The following KRT85 variants were observed in gnomAD, a reference collection of about 807,000 sequenced individuals.
KRT85 encodes keratin, type II cuticular Hb5.
Under a neutral mutation model 53.7 loss-of-function variants are expected in KRT85, and 39 were observed. The observed-to-expected ratio is 0.73, with a 90% CI of 0.56 to 0.95. The LOEUF is 0.95. Among genes scored for constraint, KRT85 ranks in the 40% least tolerant of loss-of-function variants. The pLI, the probability that KRT85 is intolerant of heterozygous loss-of-function variation, is 0.00. For synonymous variants in KRT85, 291 were observed against 277.5 expected (o/e 1.05, Z -0.48); for missense variants, 668 against 686.0 (o/e 0.97, Z 0.29).
At chr12:52,363,900 T>G (rs933162863) in intron 4 of KRT85, among the ~76,000 whole-genome samples, 168 bp downstream of exon 4, 8 of 152,212 alleles carry the variant, frequency 5.3e-5, no homozygotes, top group African/African-American at 1.7e-4. Flanking sequence ...CACATGAACG[T>G]GGACATGGCC....
At position 52,365,083 on chromosome 12, in the gene KRT85, G is replaced by C; in HGVS notation, c.508C>G (p.Pro170Ala). 1.2e-6 allele frequency: 2 copies of C among 1,614,062 alleles called. No individual in the cohort carries two copies. Among genetic ancestry groups the C allele is most frequent in the South Asian group, 2.2e-5 (2 of 91,080 alleles). ...NQRCCESNLE[P>A]LFSGYIETLR... Reference sequence around the variant, plus strand: ...GTCTCGATGTAGCCACTGAACAGTGGCTCCAGGTTGCTCTCGCAGCAGCGC... The same window carrying C: ...GTCTCGATGTAGCCACTGAACAGTGCCTCCAGGTTGCTCTCGCAGCAGCGC... Residue 170 changes from proline to alanine, a missense_variant, in exon 2 of 9, where the codon CCA (proline) becomes GCA (alanine). This residue lies in a region of KRT85 where 488 missense variants were observed against 498.1 expected (regional missense o/e 0.98). Transcript: ENST00000257901.
chr12:52,362,823 G>A (rs763620581), intron 6 of KRT85, 31 bp downstream of exon 6: 1 of 1,614,170 alleles, frequency 6.2e-7, no homozygotes, highest in Non-Finnish European at 8.5e-7. Context: ...GCCTGCCTGT[G>A]CTGCGTATTT....
Position 52,365,150 on chromosome 12 carries a change from C to A in KRT85, c.441G>T (p.Gln147His), listed in dbSNP as rs1939253644. The change falls in exon 2 of 9, where the codon CAG (glutamine) becomes CAT (histidine). Residue 147 changes from glutamine (Q) to histidine (H), a missense_variant. This residue lies in a region of KRT85 where 488 missense variants were observed against 498.1 expected (regional missense o/e 0.98). Transcript: ENST00000257901. The stretch of plus-strand genomic sequence containing the variant: ...GCCACTTGGTCTCCAGCAGCTTGTT[C>A]TGCTGCTCCAGGAAGCGCACCTGCC... Reference protein sequence around the residue: ...FIDKVRFLEQQNKLLETKWQF... With the variant: ...FIDKVRFLEQHNKLLETKWQF... The A allele has an allele frequency of 6.2e-7, 1 of 1,614,260 alleles. No homozygotes were observed. Among genetic ancestry groups the A allele is most frequent in the African/African-American group, 1.3e-5 (1 of 75,080 alleles).
rs1422658978 is a variant in KRT85 at position 52,367,056 on chromosome 12, T to C, written c.350A>G (p.Gln117Arg). 1 of 1,613,782 alleles carries C rather than the reference T, an allele frequency of 6.2e-7. No homozygotes were observed. Among genetic ancestry groups the C allele is most frequent in the East Asian group, 2.2e-5 (1 of 44,882 alleles). ...PLNLEIDPNAQCVKQEEKEQI... is the reference protein window; with the variant it reads ...PLNLEIDPNARCVKQEEKEQI... The stretch of plus-strand genomic sequence containing the variant: ...CTCCTTCTCCTCCTGCTTCACGCAC[T>C]GTGCGTTGGGGTCGATCTCCAGGTT... Residue 117 changes from glutamine to arginine, a missense_variant, in exon 1 of 9, where the codon CAG (glutamine) becomes CGG (arginine). Gln to Arg is a conservative substitution (Grantham distance 43, BLOSUM62 1). This residue lies in a region of KRT85 where 22 missense variants were observed against 46.0 expected (regional missense o/e 0.48). Coordinates refer to ENST00000257901, the MANE Select transcript of KRT85 (RefSeq NM_002283.4).
rs765919257 is a variant in KRT85 at position 52,360,808 on chromosome 12, C to T, written c.*45G>A. On this transcript the variant is annotated 3_prime_UTR_variant, in exon 9 of 9. Coordinates refer to ENST00000257901, the MANE Select transcript of KRT85 (RefSeq NM_002283.4). ...TCACATGCCATTCAGTGCAGTGATG[C>T]AGGCAGGCAGGTGCTTGGCAGGAAG... The T allele has an allele frequency of 6.4e-7, 1 of 1,563,380 alleles. No homozygotes were observed. Among genetic ancestry groups the T allele is most frequent in the South Asian group, 1.1e-5 (1 of 90,062 alleles).
Position 52,364,943 on chromosome 12 carries a change from C to G in KRT85, c.629+19G>C, listed in dbSNP as rs777766874. ...TCTCTCTGAGTTTCCCCTGAGTCCCCCCAGCTTGCTGCACTCACTTCTTCT... is the reference window on the plus strand; with the variant it reads ...TCTCTCTGAGTTTCCCCTGAGTCCCGCCAGCTTGCTGCACTCACTTCTTCT... On this transcript the variant is annotated intron_variant, in intron 2 of 8. Transcript: ENST00000257901. 1.2e-5 allele frequency: 19 copies of G among 1,612,308 alleles called. No individual in the cohort carries two copies. The highest frequency in any genetic ancestry group is 2.2e-4 in the Middle Eastern group (1 of 4,610).
At chr12:52,366,951 G>A (rs752075662) in intron 1 of KRT85, 35 bp downstream of exon 1, 36 of 1,613,856 alleles carry the variant, frequency 2.2e-5, no homozygotes, top group Middle Eastern at 1.7e-4. Context: ...GGACAGGGCT[G>A]GAGGCTTCTC....
At position 52,365,070 on chromosome 12, in the gene KRT85, CCACTGAACA is replaced by C. The variant is rs1311568407; in HGVS notation, c.512_520del (p.Leu171_Gly174delinsArg). 1 of 1,613,984 alleles carries C rather than the reference CCACTGAACA, an allele frequency of 6.2e-7. No homozygotes were observed. Among genetic ancestry groups the C allele is most frequent in the East Asian group, 2.2e-5 (1 of 44,884 alleles). On this transcript the variant is annotated inframe_deletion, in exon 2 of 9. Transcript: ENST00000257901. Reference sequence around the variant, plus strand: ...CTCCCGCCGCAGAGTCTCGATGTAGCCACTGAACAGTGGCTCCAGGTTGCTCTCGCAGCA... The same window carrying C: ...CTCCCGCCGCAGAGTCTCGATGTAGCGTGGCTCCAGGTTGCTCTCGCAGCA...
chr12:52,365,015 C>G lies in KRT85; in HGVS notation c.576G>C (p.Arg192Ser). ...GCACATGGTTGAGCTCTGAGGCCAGCCTCCCGCTGTCGGCCTCCACGCACT... is the reference window on the plus strand; with the variant it reads ...GCACATGGTTGAGCTCTGAGGCCAGGCTCCCGCTGTCGGCCTCCACGCACT... ...EAECVEADSG[R>S]LASELNHVQE... Residue 192 changes from arginine to serine, a missense_variant, in exon 2 of 9, where the codon AGG becomes AGC. Physicochemically the swap from Arg to Ser is moderately radical, Grantham distance 110 (BLOSUM62 -1). This residue lies in a region of KRT85 where 488 missense variants were observed against 498.1 expected (regional missense o/e 0.98). Transcript: ENST00000257901. 6.2e-7 allele frequency: 1 copy of G among 1,613,154 alleles called. No homozygotes were observed. Among genetic ancestry groups the G allele is most frequent in the Non-Finnish European group, 8.5e-7 (1 of 1,180,028 alleles).
chr12:52,361,095 C>A, intron 8 of KRT85, 49 bp from the exon 9 acceptor site: 1 of 1,512,180 alleles, frequency 6.6e-7, no homozygotes. Context: ...TGCAATCTCA[C>A]CCACCCTACA....
intron 4 of KRT85, among the ~76,000 whole-genome samples, chr12:52,363,615 T>A (rs143104062): frequency 3.0e-4 from 45 of 152,328 alleles, no homozygotes; most frequent in Middle Eastern, 3.4e-3. Context: ...GAACAGTGTC[T>A]GCCTTAAAAG....
At position 52,360,779 on chromosome 12, in the gene KRT85, C is replaced by T; in HGVS notation, c.*74G>A. On this transcript the variant is annotated 3_prime_UTR_variant, in exon 9 of 9. Coordinates refer to ENST00000257901, the MANE Select transcript of KRT85 (RefSeq NM_002283.4). Reference sequence around the variant, plus strand: ...GATTCTGGAAGCAAGCACACATTTTCCATTCACATGCCATTCAGTGCAGTG... The same window carrying T: ...GATTCTGGAAGCAAGCACACATTTTTCATTCACATGCCATTCAGTGCAGTG... The T allele has an allele frequency of 6.9e-7, 1 of 1,459,680 alleles. No homozygotes were observed. Among genetic ancestry groups the T allele is most frequent in the Non-Finnish European group, 9.6e-7 (1 of 1,041,400 alleles). The allele number at this position is 1,459,680 out of a possible 1,614,324, so 90.4% of individuals were successfully genotyped here. A position where few individuals can be genotyped will look rare whatever the true frequency, so the allele number is the denominator to read the frequency against.
rs1939169506 is a variant in KRT85 at position 52,360,235 on chromosome 12, C to T, written c.*618G>A. ...AATAGCAAGACCTGTCCAAAGTGCC[C>T]TAACCAGGGGCTGTAGGCAAAAGGA... On this transcript the variant is annotated 3_prime_UTR_variant, in exon 9 of 9. Coordinates refer to ENST00000257901, the MANE Select transcript of KRT85 (RefSeq NM_002283.4). 5.9e-6 allele frequency: 1 copy of T among 168,268 alleles called. No individual in the cohort carries two copies. The highest frequency in any genetic ancestry group is 2.4e-5 in the African/African-American group (1 of 41,536). 10.4% of individuals were successfully genotyped at this position (168,268 alleles called of 1,614,324 possible). A position where few individuals can be genotyped will look rare whatever the true frequency, so the allele number is the denominator to read the frequency against.
At position 52,364,169 on chromosome 12, in the gene KRT85, C is replaced by G. The variant is rs377299892; in HGVS notation, c.691-6G>C. ...AGGTAGGCACAGTCCACGTCCTGGC[C>G]GTGGGACAAAGAGGAGGGGACATGC... On this transcript the variant is annotated splice_region_variant and splice_polypyrimidine_tract_variant and intron_variant, in intron 3 of 8. Transcript: ENST00000257901. The G allele has an allele frequency of 9.3e-5, 150 of 1,613,978 alleles. 1 individual carries two copies. In the African/African-American group the frequency reaches 1.7e-3, roughly 19 times the overall value.
chr12:52,364,531 G>A (rs1374332697), intron 2 of KRT85, 165 bp from the exon 3 acceptor site: 1 of 1,486,770 alleles, frequency 6.7e-7, no homozygotes, highest in Non-Finnish European at 8.9e-7. Context: ...GCCAGCCCTT[G>A]TCCTAGCCTG....
In KRT85 at chr12:52,364,882, T is replaced by C. The variant is rs553758484; in HGVS notation, c.629+80A>G. The stretch of plus-strand genomic sequence containing the variant: ...CCTGCTAGAGGAATCTGAAAGAAGC[T>C]GTGGCAAGAGGGCTATGGGCAGAGC... On this transcript the variant is annotated intron_variant, in intron 2 of 8. Coordinates refer to ENST00000257901, the MANE Select transcript of KRT85 (RefSeq NM_002283.4). The C allele has an allele frequency of 1.9e-6, 3 of 1,609,222 alleles. No homozygotes were observed. In the East Asian group the frequency reaches 6.7e-5, roughly 36 times the overall value.
intron 1 of KRT85, among the ~76,000 whole-genome samples, chr12:52,366,784 T>G (rs1477389268): frequency 6.6e-6 from 1 of 152,004 alleles, no homozygotes; most frequent in Non-Finnish European, 1.5e-5. Context: ...GATCACAGGC[T>G]CAATTTCTAG....
At position 52,360,863 on chromosome 12, in the gene KRT85, C is replaced by T. The variant is rs144071117; in HGVS notation, c.1514G>A (p.Arg505His). ...SFSCGSSRSVRFA is the reference protein window; with the variant it reads ...SFSCGSSRSVHFA Reference sequence around the variant, plus strand: ...GGCTCCATGACTCTACTAGGCAAAGCGGACCGACCGGCTACTCCCGCAGCT... The same window carrying T: ...GGCTCCATGACTCTACTAGGCAAAGTGGACCGACCGGCTACTCCCGCAGCT... Residue 505 changes from arginine (R) to histidine (H), a missense_variant, in exon 9 of 9, where the codon CGC (arginine) becomes CAC (histidine). Around this residue, in one of 3 missense-constraint regions of KRT85, gnomAD observed 488 missense variants for 498.1 expected, o/e 0.98. Transcript: ENST00000257901. 41 of 1,612,226 alleles carry T rather than the reference C, an allele frequency of 2.5e-5. No homozygotes were observed. The highest frequency in any genetic ancestry group is 1.3e-4 in the African/African-American group (10 of 74,990).
Position 52,367,189 on chromosome 12 carries a change from C to T in KRT85, c.217G>A (p.Ala73Thr), listed in dbSNP as rs763111671. 4.3e-6 allele frequency: 7 copies of T among 1,613,866 alleles called. No homozygotes were observed. In the South Asian group the frequency reaches 7.7e-5, roughly 18 times the overall value. ...CCGAAGCTGCGTCCGCAGGAGCCGG[C>T]TCGGAAGCCACCTACAGCTATCCGG... ...GPRIAVGGFR[A>T]GSCGRSFGYR... Residue 73 changes from alanine (A) to threonine (T), a missense_variant, in exon 1 of 9, where the codon GCC (alanine) becomes ACC (threonine). By Grantham distance (58) the Ala-to-Thr change is moderately conservative (BLOSUM62 0). Around this residue, in one of 3 missense-constraint regions of KRT85, gnomAD observed 158 missense variants for 141.8 expected, o/e 1.11. Transcript: ENST00000257901.
Sources: gnomAD v4.1 joint callset for allele counts (sites outside exome capture counted in the v4.1 genomes callset) on GRCh38, gnomAD v4.1.1 for gene constraint, gnomAD v4.1.1 regional missense constraint, MANE v1.5 for transcripts, NCBI Gene and HGNC (gene_info 2026-07-23, HGNC 2026-07-21) for gene names.